MTF2: variants seen among roughly 807,000 people sequenced by gnomAD.
The protein encoded by MTF2 is metal-response element-binding transcription factor 2.
In MTF2, 11 loss-of-function variants were observed where a neutral mutation model predicts 79.5. That is an observed-to-expected ratio of 0.14 (90% CI 0.09 to 0.23). The LOEUF is 0.23. MTF2 is among the 10% of genes least tolerant of loss of function. The pLI, the probability that MTF2 is intolerant of heterozygous loss-of-function variation, is 1.00. For synonymous variants in MTF2, 208 were observed against 232.8 expected (o/e 0.89, Z 0.97); for missense variants, 486 against 711.2 (o/e 0.68, Z 3.60).
Position 93,138,250 on chromosome 1 carries a change from C to G in MTF2, c.*1223C>G, listed in dbSNP as rs1647480307. ...AAAGTTTCTTTTATCACCAGTGTTA[C>G]AGTTGTCTTCTGTTTCTTTTTGTTT... On this transcript the variant is annotated 3_prime_UTR_variant, in exon 15 of 15. Coordinates refer to ENST00000370298, the MANE Select transcript of MTF2 (RefSeq NM_007358.4). The G allele has an allele frequency of 6.6e-6, 1 of 152,046 alleles. No homozygotes were observed. Among genetic ancestry groups the G allele is most frequent in the African/African-American group, 2.4e-5 (1 of 41,400 alleles). The allele number at this position is 152,046 out of a possible 1,614,324, so 9.4% of individuals were successfully genotyped here.
chr1:93,081,613 CCAT>C (rs1422032449), intron 1 of MTF2, among the ~76,000 whole-genome samples: 1 of 152,014 alleles, frequency 6.6e-6, no homozygotes, highest in Admixed American at 6.6e-5. Flanking sequence ...TCCAGTATAA[CCAT>C]CCTAAATTGG....
At chr1:93,109,615 A>G (rs1325818406) in intron 1 of MTF2, among the ~76,000 whole-genome samples, 1 of 152,130 alleles carries the variant, frequency 6.6e-6, no homozygotes, top group Non-Finnish European at 1.5e-5. Flanking sequence ...GATTACAGGC[A>G]TGAGCCACCG....
At chr1:93,134,068 C>T in intron 13 of MTF2, 23 bp from the exon 14 acceptor site, 1 of 1,573,164 alleles carries the variant, frequency 6.4e-7, no homozygotes, top group Non-Finnish European at 8.7e-7. Context: ...AGTCGTTACA[C>T]AATTTAAATT....
In MTF2 at chr1:93,137,503, C is replaced by A. The variant is rs1236766000; in HGVS notation, c.*476C>A. The A allele has an allele frequency of 6.5e-6, 1 of 153,334 alleles. No individual in the cohort carries two copies. The highest frequency in any genetic ancestry group is 1.5e-5 in the Non-Finnish European group (1 of 68,590). The allele number at this position is 153,334 out of a possible 1,614,324, so 9.5% of individuals were successfully genotyped here. On this transcript the variant is annotated 3_prime_UTR_variant, in exon 15 of 15. Coordinates refer to ENST00000370298, the MANE Select transcript of MTF2 (RefSeq NM_007358.4). ...AGTGTATATAATGCCTACTGAAAGA[C>A]TGTAAAATATTGAAATTTTCTTTCA...
At chr1:93,111,194 A>G (rs970587396) in intron 3 of MTF2, among the ~76,000 whole-genome samples, 1 of 152,114 alleles carries the variant, frequency 6.6e-6, no homozygotes, top group African/African-American at 2.4e-5. Context: ...AGAAACCATG[A>G]TTGTTTCATG....
At chr1:93,079,779 A>C (rs1654524066) in intron 1 of MTF2, among the ~76,000 whole-genome samples, 1 of 151,774 alleles carries the variant, frequency 6.6e-6, no homozygotes, top group African/African-American at 2.4e-5. Context: ...CTGTTGGAGG[A>C]ACAAGATGAA....
At chr1:93,106,961 T>G (rs1655820036) in intron 1 of MTF2, among the ~76,000 whole-genome samples, 1 of 152,250 alleles carries the variant, frequency 6.6e-6, no homozygotes, top group Non-Finnish European at 1.5e-5. Flanking sequence ...TGATTCTTCC[T>G]GCATTTTTAC....
rs1655010256 is a variant in MTF2, at chr1:93,090,035, AGCAC to A, written c.5+10506_5+10509del. 2.6e-5 allele frequency among the ~76,000 whole-genome samples: 4 copies of A among 152,026 alleles called. No individual in the cohort carries two copies. In the South Asian group the frequency reaches 8.3e-4, roughly 32 times the overall value. On this transcript the variant is annotated intron_variant, in intron 1 of 14. Transcript: ENST00000370298. ...TCTGTCCCCCGGGCTGGAGCGCGGT[AGCAC>A]GATCTCGGCTCACTGCAAGCTCCGC...
At chr1:93,119,636 C>T (rs1420566615) in intron 8 of MTF2, 1 of 400,596 alleles carries the variant, frequency 2.5e-6, no homozygotes, top group East Asian at 4.4e-5. Context: ...TTCAGATATC[C>T]TTTAGACCTA....
At chr1:93,122,871 A>G (rs2101078093) in intron 9 of MTF2, among the ~76,000 whole-genome samples, 1 of 152,192 alleles carries the variant, frequency 6.6e-6, no homozygotes, top group South Asian at 2.1e-4. Context: ...GAGATGATAA[A>G]ATTTATGCTA....
intron 10 of MTF2, among the ~76,000 whole-genome samples, chr1:93,128,535 GA>G (rs1656791498): frequency 2.2e-5 from 3 of 138,640 alleles, no homozygotes; most frequent in African/African-American, 8.2e-5. Flanking sequence ...TAGCCTGGGT[GA>G]CAGAGCGAGA....
At chr1:93,128,429 C>G (rs1191179574) in intron 10 of MTF2, among the ~76,000 whole-genome samples, 1 of 151,720 alleles carries the variant, frequency 6.6e-6, no homozygotes, top group Admixed American at 6.6e-5. Context: ...TGTTGGTGCA[C>G]ACCTGTATTC....
At chr1:93,102,464 T>C (rs985264339) in intron 1 of MTF2, among the ~76,000 whole-genome samples, 1 of 152,076 alleles carries the variant, frequency 6.6e-6, no homozygotes, top group African/African-American at 2.4e-5. Flanking sequence ...GCATGGTGTG[T>C]GCCTGTAGTC....
chr1:93,133,730 A>AG lies in MTF2; in HGVS notation c.1190dup (p.Lys399GlufsTer21). ...AAGTAAGCAATGGCATAGAAAAAAA[A>AG]GGAAAGAAAAAATCTGTAGGTCGTC... On this transcript the variant is annotated frameshift_variant, in exon 12 of 15. Coordinates refer to ENST00000370298, the MANE Select transcript of MTF2 (RefSeq NM_007358.4). LOFTEE classifies it high-confidence loss of function. The AG allele has an allele frequency of 6.2e-7, 1 of 1,611,702 alleles. No individual in the cohort carries two copies. Among genetic ancestry groups the AG allele is most frequent in the Non-Finnish European group, 8.5e-7 (1 of 1,179,216 alleles).
chr1:93,091,039 C>T (rs1655057278), intron 1 of MTF2, among the ~76,000 whole-genome samples: 3 of 151,940 alleles, frequency 2.0e-5, no homozygotes, highest in South Asian at 2.1e-4. Context: ...TTTTTTTGCC[C>T]CTAAAACTTT....
At chr1:93,096,503 C>T (rs1456378543) in intron 1 of MTF2, among the ~76,000 whole-genome samples, 3 of 151,912 alleles carry the variant, frequency 2.0e-5, no homozygotes, top group Non-Finnish European at 2.9e-5. Flanking sequence ...GCTTTTGGTG[C>T]CATTTGTTCT....
chr1:93,128,887 A>T (rs1182896750), intron 10 of MTF2: 1 of 152,630 alleles, frequency 6.6e-6, no homozygotes, highest in Non-Finnish European at 1.5e-5. Context: ...TTTTCTCTTT[A>T]TAAATCCACT....
At chr1:93,119,645 T>TA (rs1302587322) in intron 8 of MTF2, 21 of 373,456 alleles carry the variant, frequency 5.6e-5, no homozygotes, top group Non-Finnish European at 9.6e-5. Context: ...CCTTTAGACC[T>TA]AAATTCTTAC....
At chr1:93,109,294 T>G (rs1655931194) in intron 1 of MTF2, among the ~76,000 whole-genome samples, 1 of 152,120 alleles carries the variant, frequency 6.6e-6, no homozygotes, top group African/African-American at 2.4e-5. Flanking sequence ...AATATATATT[T>G]TTTTCCTTTA....
Sources: gnomAD v4.1 joint callset for allele counts (sites outside exome capture counted in the v4.1 genomes callset) on GRCh38, gnomAD v4.1.1 for gene constraint, MANE v1.5 for transcripts, NCBI Gene and HGNC (gene_info 2026-07-23, HGNC 2026-07-21) for gene names.